GRIP2: variants seen among roughly 807,000 people sequenced by gnomAD.
GRIP2 encodes glutamate receptor interacting protein 2.
A neutral mutation model predicts 108.3 loss-of-function variants in GRIP2; 58 were observed. That is an observed-to-expected ratio of 0.54 (90% CI 0.43 to 0.67). GRIP2 has a LOEUF of 0.67. Among genes scored for constraint, GRIP2 ranks in the 30% least tolerant of loss-of-function variants. The probability of loss-of-function intolerance (pLI) is 0.00; values close to 1 mark genes in which losing one functional copy is unlikely to be tolerated. For missense variants in GRIP2, 1,278 were observed against 1,430.6 expected (o/e 0.89, Z 1.72); for synonymous variants, 586 against 598.2 (o/e 0.98, Z 0.30).
chr3:14,546,135 G>A (rs1357611222), upstream of GRIP2, among the ~76,000 whole-genome samples: 1 of 152,196 alleles, frequency 6.6e-6, no homozygotes, highest in East Asian at 1.9e-4. Context: ...GGACCTGTGG[G>A]TGGGGTAGAG....
chr3:14,520,883 G>T, intron 7 of GRIP2: 1 of 261,452 alleles, frequency 3.8e-6, no homozygotes, highest in East Asian at 8.8e-5. Context: ...CTCAGGAAAT[G>T]GCACCTCCAT....
intron 1 of GRIP2, among the ~76,000 whole-genome samples, chr3:14,548,300 C>T (rs1445571385): frequency 3.9e-5 from 6 of 152,100 alleles, no homozygotes; most frequent in East Asian, 3.9e-4. Context: ...GGGGCATTCC[C>T]GGCACTGTGA....
intron 21 of GRIP2, 120 bp from the exon 22 acceptor site, chr3:14,496,680 T>C (rs1693612632): frequency 3.6e-6 from 5 of 1,369,962 alleles, no homozygotes; most frequent in Non-Finnish European, 4.8e-6. Context: ...AGGACAGACA[T>C]GGTCCCTGCC....
At chr3:14,509,686 T>C (rs1221662572) in intron 17 of GRIP2, 134 bp downstream of exon 17, 7 of 912,252 alleles carry the variant, frequency 7.7e-6, no homozygotes, top group South Asian at 3.2e-5. Context: ...AGAGGGGAAG[T>C]GACTGGCCCA....
In GRIP2 at chr3:14,493,708, C is replaced by T. The variant is rs370859345; in HGVS notation, c.3089G>A (p.Arg1030Gln). The stretch of plus-strand genomic sequence containing the variant: ...GCTGGGGCCTGGCGATCGGGGGGCC[C>T]GGCTGCTGTGTGCCGTGTGCGGCTT... ...SRKPHTAHSS[R>Q]APRSPGPSSP... The change falls in exon 24 of 24, where the codon CGG (arginine) becomes CAG (glutamine). Residue 1030 changes from arginine (R) to glutamine (Q), a missense_variant. Arg to Gln is a conservative substitution (Grantham distance 43, BLOSUM62 1). Transcript: ENST00000621039. 3.9e-5 allele frequency: 63 copies of T among 1,609,226 alleles called. 1 individual carries two copies. In the East Asian group the frequency reaches 8.5e-4, roughly 22 times the overall value.
chr3:14,596,468 A>C, the GRIP2 span, among the ~76,000 whole-genome samples: 4 of 152,134 alleles, frequency 2.6e-5, no homozygotes, highest in African/African-American at 9.7e-5. Flanking sequence ...TAAGGCCCAC[A>C]TTCTCTGGTT....
rs1330639713 is a variant in GRIP2 at position 14,514,391 on chromosome 3, C to T, written c.1394G>A (p.Ser465Asn). The T allele has an allele frequency of 5.7e-6, 9 of 1,573,822 alleles. No individual in the cohort carries two copies. Among genetic ancestry groups the T allele is most frequent in the Non-Finnish European group, 7.8e-6 (9 of 1,160,984 alleles). The change falls in exon 12 of 24, where the codon AGC becomes AAC. Residue 465 changes from serine to asparagine, a missense_variant. By Grantham distance (46) the Ser-to-Asn change is conservative. Coordinates refer to ENST00000621039, the MANE Select transcript of GRIP2 (RefSeq NM_001080423.4). ...TEVVLCGDPL[S>N]GFGLQLQGGI... ...GCCCTGGAGCTGGAGGCCAAAGCCGCTGAGGGGGTCTCCACAGAGCACGAC... is the reference window on the plus strand; with the variant it reads ...GCCCTGGAGCTGGAGGCCAAAGCCGTTGAGGGGGTCTCCACAGAGCACGAC...
At chr3:14,562,971 G>A in the GRIP2 span, among the ~76,000 whole-genome samples, 5 of 152,138 alleles carry the variant, frequency 3.3e-5, no homozygotes, top group Admixed American at 1.3e-4. Context: ...ACATTCCACA[G>A]GAAGAATGGC....
At chr3:14,573,937 C>T in the GRIP2 span, 5 of 1,094,210 alleles carry the variant, frequency 4.6e-6, no homozygotes, top group East Asian at 5.0e-5. Context: ...TTCTCGTGCT[C>T]GCGCCCTGCG....
chr3:14,503,885 C>T, intron 20 of GRIP2: 1 of 575,330 alleles, frequency 1.7e-6, no homozygotes. Flanking sequence ...TTAGGGGCGA[C>T]CAGGACTGTC....
chr3:14,577,994 G>A, the GRIP2 span, among the ~76,000 whole-genome samples: 1 of 152,234 alleles, frequency 6.6e-6, no homozygotes, highest in African/African-American at 2.4e-5. Context: ...AGGTCTCCCT[G>A]GCTCAGCCTT....
intron 2 of GRIP2, 76 bp downstream of exon 2, chr3:14,525,775 G>A (rs1427261199): frequency 5.6e-6 from 8 of 1,416,788 alleles, no homozygotes; most frequent in South Asian, 4.9e-5. Context: ...TGGCAGAGCC[G>A]TTGCCATCTG....
intron 4 of GRIP2, 67 bp downstream of exon 4, chr3:14,524,326 T>C (rs1694494132): frequency 2.0e-6 from 3 of 1,534,522 alleles, no homozygotes; most frequent in Non-Finnish European, 2.6e-6. Flanking sequence ...CAGGCCCTGG[T>C]GGGGAGGTAG....
the GRIP2 span, among the ~76,000 whole-genome samples, chr3:14,589,819 TGCCCAGGCTG>T: frequency 6.6e-6 from 1 of 150,386 alleles, no homozygotes; most frequent in East Asian, 2.0e-4. Context: ...CTCACTCTGT[TGCCCAGGCTG>T]GAGTGTAGTG....
intron 20 of GRIP2, chr3:14,503,897 G>C (rs936210615): frequency 1.6e-5 from 9 of 564,242 alleles, no homozygotes; most frequent in African/African-American, 3.8e-5. Flanking sequence ...AGGACTGTCG[G>C]TGGCCAGTTA....
upstream of GRIP2, among the ~76,000 whole-genome samples, chr3:14,560,457 G>T (rs1695301314): frequency 6.6e-6 from 1 of 152,122 alleles, no homozygotes; most frequent in African/African-American, 2.4e-5. Flanking sequence ...CTCCAGGAGA[G>T]CCTTGACCCA....
At chr3:14,497,282 T>C (rs1693637689) in intron 21 of GRIP2, among the ~76,000 whole-genome samples, 1 of 152,222 alleles carries the variant, frequency 6.6e-6, no homozygotes, top group African/African-American at 2.4e-5. Context: ...GTCAGGACTC[T>C]TAACCACTCT....
At chr3:14,557,991 G>A (rs111918080), upstream of GRIP2, among the ~76,000 whole-genome samples, 434 of 152,324 alleles carry the variant, frequency 2.8e-3, 1 homozygote, top group African/African-American at 9.9e-3. Context: ...ATATGTAACC[G>A]TTATTAGTGT....
chr3:14,595,558 TCAGA>T, the GRIP2 span, among the ~76,000 whole-genome samples: 5 of 152,266 alleles, frequency 3.3e-5, no homozygotes, highest in Admixed American at 2.0e-4. Flanking sequence ...CCCCGAAAGG[TCAGA>T]CAGTCGCCAC....
Sources: gnomAD v4.1 joint callset for allele counts (sites outside exome capture counted in the v4.1 genomes callset) on GRCh38, gnomAD v4.1.1 for gene constraint, MANE v1.5 for transcripts, NCBI Gene and HGNC (gene_info 2026-07-23, HGNC 2026-07-21) for gene names.